The following TDRD10 variants were observed in gnomAD, a reference collection of about 807,000 sequenced individuals.
The protein encoded by TDRD10 is tudor domain-containing protein 10.
A neutral mutation model predicts 48.0 loss-of-function variants in TDRD10; 40 were observed. The ratio of observed to expected loss-of-function variants is 0.83; its 90% CI spans 0.65 to 1.09. The LOEUF is 1.09. TDRD10 is among the 50% of genes least tolerant of loss of function. The pLI is 0.00. For missense variants in TDRD10, 378 were observed against 434.7 expected (o/e 0.87, Z 1.16); for synonymous variants, 162 against 170.4 (o/e 0.95, Z 0.38).
At position 154,541,115 on chromosome 1, in the gene TDRD10, CAG is replaced by C. The variant is rs1418008704; in HGVS notation, c.370-906_370-905del. Among the ~76,000 whole-genome samples the C allele has an allele frequency of 3.6e-4, 55 of 152,230 alleles. No homozygotes were observed. In the East Asian group the frequency reaches 8.9e-3, roughly 25 times the overall value. On this transcript the variant is annotated intron_variant, in intron 6 of 12. Transcript: ENST00000368482. ...GAATTGGGGGAGCTGTGAGGTCAGT[CAG>C]AGTCTTTCCAAATGGGTGTCAGAGC...
At chr1:154,509,844 A>G in intron 4 of TDRD10, 5 of 985,354 alleles carry the variant, frequency 5.1e-6, no homozygotes, top group Non-Finnish European at 6.0e-6. Context: ...GGAGCCCTAC[A>G]TGTGGTTCCT....
chr1:154,509,742 T>A (rs1693340512), intron 4 of TDRD10: 1 of 903,862 alleles, frequency 1.1e-6, no homozygotes. Context: ...GGGGGATTCC[T>A]GGCACCTGAT....
chr1:154,544,764 T>G (rs1282677188), intron 10 of TDRD10, 31 bp from the exon 11 acceptor site: 1 of 1,609,932 alleles, frequency 6.2e-7, no homozygotes, highest in South Asian at 1.1e-5. Context: ...GCGGAATGAT[T>G]GTCCTCTGTC....
chr1:154,511,419 A>G lies in TDRD10; in HGVS notation c.141+2938A>G, dbSNP rs541222535. ...GAGGCCGAGGTGGCCGGATCACTTG[A>G]TGTCAGGAGTTTGAGACCAGCCTGG... On this transcript the variant is annotated intron_variant, in intron 4 of 12. Coordinates refer to ENST00000368482, the MANE Select transcript of TDRD10 (RefSeq NM_182499.4). 2.6e-5 allele frequency among the ~76,000 whole-genome samples: 4 copies of G among 151,140 alleles called. No individual in the cohort carries two copies. In the South Asian group the frequency reaches 6.3e-4, roughly 24 times the overall value.
chr1:154,502,944 GC>G lies in TDRD10; in HGVS notation c.-112del, dbSNP rs938298023. 2.0e-5 allele frequency: 3 copies of G among 152,452 alleles called. No individual in the cohort carries two copies. Among genetic ancestry groups the G allele is most frequent in the Non-Finnish European group, 4.4e-5 (3 of 68,234 alleles). The allele number at this position is 152,452 out of a possible 1,614,324, so 9.4% of individuals were successfully genotyped here. A position where few individuals can be genotyped will look rare whatever the true frequency, so the allele number is the denominator to read the frequency against. On this transcript the variant is annotated 5_prime_UTR_variant, in exon 1 of 13. Coordinates refer to ENST00000368482, the MANE Select transcript of TDRD10 (RefSeq NM_182499.4). ...GGCAAGCCCCGCCCCGTGCCCCCGG[GC>G]TCAGAGGGGGCGGAGCGCGGAGGGA...
At chr1:154,505,071 C>T (rs1334482892) in intron 1 of TDRD10, among the ~76,000 whole-genome samples, 3 of 152,222 alleles carry the variant, frequency 2.0e-5, no homozygotes, top group African/African-American at 4.8e-5. Flanking sequence ...AAACTCAGGA[C>T]TTTGGAATCA....
Position 154,538,090 on chromosome 1 carries a change from G to T in TDRD10, c.370-3934G>T, listed in dbSNP as rs138947967. On this transcript the variant is annotated intron_variant, in intron 6 of 12. Transcript: ENST00000368482. ...TGATAATTATGTAGATTTTCCTCTG[G>T]AACTTAATTTTACAAACTGTCAAAA... 8.4e-3 allele frequency among the ~76,000 whole-genome samples: 1,277 copies of T among 152,196 alleles called. 20 individuals are homozygous for T. The highest frequency in any genetic ancestry group is 0.03 in the African/African-American group (1,233 of 41,512).
rs1344650658 is a variant in TDRD10 at position 154,521,446 on chromosome 1, C to A, written c.336C>A (p.Thr112=). ...CAAGCAAAAGGCCCCCCAAGAGGAC[C>A]CCTGATATGATCCAGCAGCCTCGGG... ...VNTSKRPPKR[T]PDMIQQPRAP... The change falls in exon 6 of 13, where the codon ACC becomes ACA. Residue 112 remains threonine, a synonymous_variant. Transcript: ENST00000368482. The A allele has an allele frequency of 6.2e-7, 1 of 1,613,974 alleles. No individual in the cohort carries two copies. The highest frequency in any genetic ancestry group is 1.7e-5 in the Admixed American group (1 of 60,000).
chr1:154,505,186 C>G (rs1693075514), intron 1 of TDRD10, among the ~76,000 whole-genome samples: 1 of 152,188 alleles, frequency 6.6e-6, no homozygotes, highest in Non-Finnish European at 1.5e-5. Context: ...CTCTGCATCT[C>G]CGGGACTTCA....
chr1:154,507,812 G>A (rs1693233903), intron 3 of TDRD10, among the ~76,000 whole-genome samples: 1 of 152,168 alleles, frequency 6.6e-6, no homozygotes, highest in Non-Finnish European at 1.5e-5. Flanking sequence ...TCCTGGCTAT[G>A]AGCAATTTCC....
At chr1:154,512,075 G>A (rs1693512327) in intron 4 of TDRD10, among the ~76,000 whole-genome samples, 2 of 151,522 alleles carry the variant, frequency 1.3e-5, no homozygotes, top group East Asian at 3.9e-4. Flanking sequence ...TCACAAGATT[G>A]TGCAGCTATT....
At chr1:154,547,531 G>C in intron 12 of TDRD10, 52 bp downstream of exon 12, 1 of 1,614,172 alleles carries the variant, frequency 6.2e-7, no homozygotes, top group South Asian at 1.1e-5. Context: ...CCTGCCCTTG[G>C]GGTGTCTGCA....
chr1:154,545,663 C>T (rs1198920953), intron 11 of TDRD10, among the ~76,000 whole-genome samples: 1 of 151,962 alleles, frequency 6.6e-6, no homozygotes, highest in East Asian at 1.9e-4. Context: ...CAGCCTCAAA[C>T]TCCTTGGCTC....
intron 11 of TDRD10, among the ~76,000 whole-genome samples, chr1:154,546,308 G>A (rs1261005072): frequency 6.7e-6 from 1 of 150,008 alleles, no homozygotes; most frequent in African/African-American, 2.4e-5. Context: ...TCCTGACCTC[G>A]TGATCTGCCC....
intron 4 of TDRD10, among the ~76,000 whole-genome samples, chr1:154,511,683 A>G (rs1693483002): frequency 6.6e-6 from 1 of 151,972 alleles, no homozygotes; most frequent in Non-Finnish European, 1.5e-5. Flanking sequence ...CCCCATCTCT[A>G]CTAAAATACA....
At chr1:154,535,747 C>A (rs998988025) in intron 6 of TDRD10, among the ~76,000 whole-genome samples, 1 of 152,162 alleles carries the variant, frequency 6.6e-6, no homozygotes, top group Non-Finnish European at 1.5e-5. Context: ...CCCCATGTAC[C>A]TGTTCTCAGA....
chr1:154,530,508 G>A (rs1694560839), intron 6 of TDRD10, among the ~76,000 whole-genome samples: 1 of 150,488 alleles, frequency 6.6e-6, no homozygotes, highest in African/African-American at 2.5e-5. Flanking sequence ...GGACTTAAGT[G>A]ATTCACCTGC....
At chr1:154,524,096 C>T (rs753253744) in intron 6 of TDRD10, among the ~76,000 whole-genome samples, 2 of 152,022 alleles carry the variant, frequency 1.3e-5, no homozygotes, top group Non-Finnish European at 2.9e-5. Context: ...ACATTTGAGT[C>T]ATTTGTGGAT....
chr1:154,544,755 C>T lies in TDRD10; in HGVS notation c.798-40C>T, dbSNP rs201929665. 5.9e-5 allele frequency: 95 copies of T among 1,604,756 alleles called. No individual in the cohort carries two copies. The Admixed American group carries it at 9.6e-4, about 16-fold the overall frequency. The stretch of plus-strand genomic sequence containing the variant: ...GAGGACTGCTGTGCATGGCACTAGG[C>T]GGAATGATTGTCCTCTGTCTTTCTC... On this transcript the variant is annotated intron_variant, in intron 10 of 12. Transcript: ENST00000368482.
Sources: gnomAD v4.1 joint callset for allele counts (sites outside exome capture counted in the v4.1 genomes callset) on GRCh38, gnomAD v4.1.1 for gene constraint, MANE v1.5 for transcripts, NCBI Gene and HGNC (gene_info 2026-07-23, HGNC 2026-07-21) for gene names.